Variants in LPCAT2 observed in about 807,000 individuals in gnomAD.
LPCAT2 encodes the protein 1-AGP acyltransferase 11.
LPCAT2 carries 58 observed loss-of-function variants against 64.7 expected under a neutral mutation model. The ratio of observed to expected loss-of-function variants is 0.90; its 90% CI spans 0.73 to 1.12. The LOEUF (loss-of-function observed/expected upper bound fraction) is 1.12, where lower values mean the gene tolerates loss of function less well. LPCAT2 is among the 50% of genes most tolerant of loss of function. LPCAT2 has a pLI of 0.00. For missense variants in LPCAT2, 579 were observed against 669.8 expected (o/e 0.86, Z 1.50); for synonymous variants, 252 against 245.3 (o/e 1.03, Z -0.26).
At chr16:55,579,006 T>A (rs4784549) in intron 12 of LPCAT2, 103 bp from the exon 13 acceptor site, 582,145 of 1,053,600 alleles carry the variant, frequency 0.55, 165,492 homozygotes, top group African/African-American at 0.8. Flanking sequence ...TTTCTAGCCC[T>A]TGCCACAGTA....
chr16:55,565,172 G>A (rs1325365708), intron 11 of LPCAT2, among the ~76,000 whole-genome samples: 1 of 149,332 alleles, frequency 6.7e-6, no homozygotes, highest in Non-Finnish European at 1.5e-5. Flanking sequence ...CCATTAGGAT[G>A]GCTATTATTA....
In LPCAT2 at chr16:55,564,803, C is replaced by T. The variant is rs1012643350; in HGVS notation, c.1216-9828C>T. On this transcript the variant is annotated intron_variant, in intron 11 of 13. Coordinates refer to ENST00000262134, the MANE Select transcript of LPCAT2 (RefSeq NM_017839.5). ...TTTCTCAATGATTTCTTGAATATTACGCCAAAAGCACAGGCAGCCAAAGAA... is the reference window on the plus strand; with the variant it reads ...TTTCTCAATGATTTCTTGAATATTATGCCAAAAGCACAGGCAGCCAAAGAA... Among the ~76,000 whole-genome samples the T allele has an allele frequency of 1.1e-4, 17 of 152,030 alleles. No homozygotes were observed. The South Asian group carries it at 1.2e-3, about 11-fold the overall frequency.
intron 11 of LPCAT2, among the ~76,000 whole-genome samples, chr16:55,568,491 T>C (rs1053534720): frequency 2.0e-5 from 3 of 152,218 alleles, no homozygotes; most frequent in Admixed American, 1.3e-4. Flanking sequence ...CACATATTGC[T>C]GACTATTGCA....
Position 55,509,191 on chromosome 16 carries a change from T to C in LPCAT2, c.10T>C (p.Cys4Arg), listed in dbSNP as rs1596839083. The change falls in exon 1 of 14, where the codon TGC (cysteine) becomes CGC (arginine). Residue 4 changes from cysteine to arginine, a missense_variant. Cys to Arg is a radical substitution (Grantham distance 180). Transcript: ENST00000262134. ...TACGCCCGGCTCAACTATGAGCCGG[T>C]GCGCCCAGGCGGCGGAAGTGGCGGC... The part of the protein sequence containing the change: MSR[C>R]AQAAEVAATV... 1 of 1,399,360 alleles carries C rather than the reference T, an allele frequency of 7.1e-7. No homozygotes were observed. Among genetic ancestry groups the C allele is most frequent in the East Asian group, 2.8e-5 (1 of 35,306 alleles). The allele number at this position is 1,399,360 out of a possible 1,614,324, so 86.7% of individuals were successfully genotyped here. A position where few individuals can be genotyped will look rare whatever the true frequency, so the allele number is the denominator to read the frequency against.
intron 11 of LPCAT2, 132 bp downstream of exon 11, chr16:55,551,234 C>T: frequency 2.8e-6 from 2 of 713,734 alleles, no homozygotes; most frequent in Non-Finnish European, 2.0e-6. Flanking sequence ...GGTTTAATTG[C>T]ATGATTTTGT....
intron 1 of LPCAT2, among the ~76,000 whole-genome samples, chr16:55,523,547 AATAG>A (rs534943581): frequency 1.3e-5 from 2 of 151,844 alleles, no homozygotes; most frequent in Non-Finnish European, 3.0e-5. Flanking sequence ...TGAACAAGTA[AATAG>A]ATAGATCATG....
intron 4 of LPCAT2, among the ~76,000 whole-genome samples, chr16:55,530,783 G>A (rs1268044030): frequency 1.3e-5 from 2 of 152,054 alleles, no homozygotes; most frequent in East Asian, 1.9e-4. Context: ...ATCTAGGACT[G>A]GTAGATGGGA....
rs1319848062 is a variant in LPCAT2, at chr16:55,584,584, T to C, written c.*1486T>C. The C allele has an allele frequency of 6.6e-6, 1 of 152,170 alleles. No individual in the cohort carries two copies. Among genetic ancestry groups the C allele is most frequent in the African/African-American group, 2.4e-5 (1 of 41,450 alleles). The allele number at this position is 152,170 out of a possible 1,614,324, so 9.4% of individuals were successfully genotyped here. On this transcript the variant is annotated 3_prime_UTR_variant, in exon 14 of 14. Coordinates refer to ENST00000262134, the MANE Select transcript of LPCAT2 (RefSeq NM_017839.5). ...TAGTTGGTTCATTTTCTGAATTCAG[T>C]CTTTGAAATAAAACTCCTTGTTTTG...
At chr16:55,509,484 C>A in intron 1 of LPCAT2, 132 bp downstream of exon 1, 2 of 979,186 alleles carry the variant, frequency 2.0e-6, no homozygotes, top group Non-Finnish European at 2.7e-6. Flanking sequence ...GTGAGGTGGT[C>A]CGAGGCGGGC....
intron 10 of LPCAT2, among the ~76,000 whole-genome samples, chr16:55,550,082 G>T (rs1166764690): frequency 6.6e-6 from 1 of 152,066 alleles, no homozygotes; most frequent in African/African-American, 2.4e-5. Context: ...TCAAAGTTCA[G>T]TATTAAAGTA....
At chr16:55,551,788 A>G (rs1963521296) in intron 11 of LPCAT2, among the ~76,000 whole-genome samples, 1 of 152,188 alleles carries the variant, frequency 6.6e-6, no homozygotes, top group African/African-American at 2.4e-5. Context: ...TAAAATTGAT[A>G]GTATACAGAA....
intron 4 of LPCAT2, 49 bp from the exon 5 acceptor site, chr16:55,531,865 T>C (rs781363912): frequency 1.5e-5 from 18 of 1,172,772 alleles, no homozygotes; most frequent in Non-Finnish European, 2.2e-5. Flanking sequence ...AGTAAAGAGG[T>C]AATTTATTAA....
At chr16:55,513,447 G>C (rs1171703967) in intron 1 of LPCAT2, among the ~76,000 whole-genome samples, 2 of 151,520 alleles carry the variant, frequency 1.3e-5, no homozygotes, top group Non-Finnish European at 2.9e-5. Context: ...AAAAAACTGA[G>C]ATGAGACATC....
intron 13 of LPCAT2, among the ~76,000 whole-genome samples, chr16:55,579,587 A>G (rs1475212150): frequency 2.6e-5 from 4 of 152,194 alleles, no homozygotes; most frequent in Admixed American, 2.6e-4. Flanking sequence ...TCAGAGCCAC[A>G]ATTCAAAAAC....
chr16:55,518,244 T>A (rs1405943433), intron 1 of LPCAT2, among the ~76,000 whole-genome samples: 1 of 152,116 alleles, frequency 6.6e-6, no homozygotes, highest in Non-Finnish European at 1.5e-5. Context: ...CATTGAAAAC[T>A]ACAAAATATC....
chr16:55,513,517 C>CA (rs58589198), intron 1 of LPCAT2, among the ~76,000 whole-genome samples: 500 of 147,294 alleles, frequency 3.4e-3, no homozygotes, highest in Middle Eastern at 0.014. Context: ...GCAATGAAAA[C>CA]AAAAAAAAAA....
chr16:55,519,336 T>TA (rs35728673), intron 1 of LPCAT2, among the ~76,000 whole-genome samples: 12,113 of 138,728 alleles, frequency 0.087, 559 homozygotes, highest in Non-Finnish European at 0.1. Flanking sequence ...CCGTCTCTAC[T>TA]AAAAAAAAAA....
At chr16:55,512,836 A>G (rs1304251831) in intron 1 of LPCAT2, among the ~76,000 whole-genome samples, 3 of 152,204 alleles carry the variant, frequency 2.0e-5, no homozygotes, top group Admixed American at 6.5e-5. Flanking sequence ...AGGTGATACC[A>G]TAGGAGAAAA....
At chr16:55,552,764 AATC>A (rs1342971711) in intron 11 of LPCAT2, among the ~76,000 whole-genome samples, 2 of 152,250 alleles carry the variant, frequency 1.3e-5, no homozygotes, top group East Asian at 3.8e-4. Context: ...AAATGTGAGC[AATC>A]ATCTGAGCCT....
Sources: gnomAD v4.1 joint callset for allele counts (sites outside exome capture counted in the v4.1 genomes callset) on GRCh38, gnomAD v4.1.1 for gene constraint, MANE v1.5 for transcripts, NCBI Gene and HGNC (gene_info 2026-07-23, HGNC 2026-07-21) for gene names.